The following MED12L variants were observed in gnomAD, a reference collection of about 807,000 sequenced individuals.
The protein encoded by MED12L is mediator complex subunit 12L, also known as mediator of RNA polymerase II transcription subunit 12-like protein.
Under a neutral mutation model 281.3 loss-of-function variants are expected in MED12L, and 60 were observed. The ratio of observed to expected loss-of-function variants is 0.21; its 90% CI spans 0.17 to 0.26. The LOEUF is 0.26. MED12L is among the 10% of genes least tolerant of loss of function. The pLI is 1.00. For missense variants in MED12L, 2,146 were observed against 2,680.9 expected (o/e 0.80, Z 4.41); for synonymous variants, 974 against 987.2 (o/e 0.99, Z 0.25).
At chr3:151,285,877 C>T (rs1178279253) in intron 16 of MED12L, among the ~76,000 whole-genome samples, 1 of 152,068 alleles carries the variant, frequency 6.6e-6, no homozygotes. Context: ...AGGAATAGGT[C>T]CTCACCTCAC....
rs1714570809 is a variant in MED12L at position 151,126,645 on chromosome 3, G to A, written c.397-1180G>A. 1.3e-5 allele frequency among the ~76,000 whole-genome samples: 2 copies of A among 152,192 alleles called. 1 individual carries two copies. Among genetic ancestry groups the A allele is most frequent in the South Asian group, 4.1e-4 (2 of 4,832 alleles). ...GAAGCCTTGATTTTCACAAAATCAA[G>A]TAAGAGTTTGGGACAGAGAGACCAG... On this transcript the variant is annotated intron_variant, in intron 4 of 44. Transcript: ENST00000687756.
At chr3:151,186,585 C>G (rs951383015) in intron 12 of MED12L, among the ~76,000 whole-genome samples, 1 of 152,214 alleles carries the variant, frequency 6.6e-6, no homozygotes, top group Non-Finnish European at 1.5e-5. Flanking sequence ...AGGTTGCAGA[C>G]TGTTCCCCAG....
chr3:151,295,273 G>A (rs1332025548), intron 16 of MED12L: 4 of 1,158,648 alleles, frequency 3.5e-6, no homozygotes, highest in African/African-American at 1.5e-5. Flanking sequence ...AGGCTACTAG[G>A]TTCCCTTACA....
rs573485687 is a variant in MED12L at position 151,128,493 on chromosome 3, C to A, written c.556+509C>A. On this transcript the variant is annotated intron_variant, in intron 5 of 44. Transcript: ENST00000687756. ...GATCTGCCCCCACCCCCGGCTCCCC[C>A]CCTTCCTGTGATGTTCCAGCCACAG... 3.3e-5 allele frequency among the ~76,000 whole-genome samples: 5 copies of A among 152,172 alleles called. No individual in the cohort carries two copies. In the South Asian group the frequency reaches 8.3e-4, roughly 25 times the overall value.
At chr3:151,096,288 T>C (rs964836429) in intron 2 of MED12L, among the ~76,000 whole-genome samples, 1 of 152,210 alleles carries the variant, frequency 6.6e-6, no homozygotes, top group Admixed American at 6.5e-5. Flanking sequence ...TTGGACCATA[T>C]GTCAATTTCT....
chr3:151,293,576 TACACACACACACACACACACACAC>T (rs55846173), intron 16 of MED12L, among the ~76,000 whole-genome samples: 2 of 76,200 alleles, frequency 2.6e-5, no homozygotes, highest in African/African-American at 1.2e-4. Context: ...ATGAAGCCCT[TACACACACACACACACACACACAC>T]ACACACACAC....
chr3:151,123,014 T>C (rs769527567), intron 4 of MED12L, 40 bp downstream of exon 4: 2 of 1,457,986 alleles, frequency 1.4e-6, no homozygotes, highest in East Asian at 2.3e-5. Flanking sequence ...TATGGTCTTA[T>C]AATCAGCTGT....
intron 2 of MED12L, among the ~76,000 whole-genome samples, chr3:151,113,025 G>T (rs575518624): frequency 1.4e-4 from 22 of 152,268 alleles, no homozygotes; most frequent in East Asian, 9.6e-4. Flanking sequence ...TCTTCTTGTC[G>T]AGGAGACAGC....
At chr3:151,355,280 TAATTTACTTAA>T in intron 18 of MED12L, 41 bp downstream of exon 18, 1 of 1,414,944 alleles carries the variant, frequency 7.1e-7, no homozygotes, top group Non-Finnish European at 9.8e-7. Context: ...TGCAGTATTC[TAATTTACTTAA>T]AAATTTTTTT....
chr3:151,373,317 A>G (rs1402767079), intron 27 of MED12L, among the ~76,000 whole-genome samples: 1 of 152,134 alleles, frequency 6.6e-6, no homozygotes, highest in Non-Finnish European at 1.5e-5. Context: ...TGTGATGTCC[A>G]TTTGCACCTC....
chr3:151,101,334 G>A (rs1178492738), intron 2 of MED12L, among the ~76,000 whole-genome samples: 1 of 152,194 alleles, frequency 6.6e-6, no homozygotes, highest in Non-Finnish European at 1.5e-5. Flanking sequence ...TGTTATGCCA[G>A]CCTCACGGTA....
At chr3:151,170,937 T>C (rs904464569) in intron 11 of MED12L, among the ~76,000 whole-genome samples, 2 of 152,138 alleles carry the variant, frequency 1.3e-5, no homozygotes, top group African/African-American at 4.8e-5. Flanking sequence ...TAGATTCTGC[T>C]TGGGATCCAC....
chr3:151,260,659 G>A (rs191959502), intron 16 of MED12L, among the ~76,000 whole-genome samples: 104 of 152,220 alleles, frequency 6.8e-4, no homozygotes, highest in African/African-American at 2.4e-3. Flanking sequence ...CCCTAAAGCT[G>A]GTTTTTAATG....
chr3:151,108,113 G>A (rs1576741039), intron 2 of MED12L, among the ~76,000 whole-genome samples: 1 of 152,248 alleles, frequency 6.6e-6, no homozygotes, highest in East Asian at 1.9e-4. Flanking sequence ...ATAGGAGAGT[G>A]CAGAATAGAA....
chr3:151,210,699 C>A (rs1477992805), intron 16 of MED12L, among the ~76,000 whole-genome samples: 1 of 152,204 alleles, frequency 6.6e-6, no homozygotes, highest in Non-Finnish European at 1.5e-5. Flanking sequence ...TAGCCATTAG[C>A]ATATTCTATC....
intron 19 of MED12L, 22 bp from the exon 20 acceptor site, chr3:151,357,191 T>G: frequency 6.4e-7 from 1 of 1,559,350 alleles, no homozygotes; most frequent in East Asian, 2.3e-5. Flanking sequence ...ACATGTTTAT[T>G]CAGTCTTTTC....
intron 31 of MED12L, 52 bp from the exon 32 acceptor site, chr3:151,380,061 A>C: frequency 2.8e-6 from 3 of 1,071,536 alleles, no homozygotes; most frequent in Non-Finnish European, 4.1e-6. Context: ...TGCCAGAGGA[A>C]GTAATGCATT....
At chr3:151,286,543 C>T (rs879621712) in intron 16 of MED12L, among the ~76,000 whole-genome samples, 2 of 152,176 alleles carry the variant, frequency 1.3e-5, no homozygotes, top group Non-Finnish European at 2.9e-5. Flanking sequence ...GCTAATCCAG[C>T]ATCCAGGGGT....
chr3:151,128,724 TCTC>T (rs1281956388), intron 5 of MED12L, among the ~76,000 whole-genome samples: 2 of 152,222 alleles, frequency 1.3e-5, no homozygotes, highest in African/African-American at 4.8e-5. Flanking sequence ...CTTTCTCTCT[TCTC>T]CCTCTACTTC....
Sources: gnomAD v4.1 joint callset for allele counts (sites outside exome capture counted in the v4.1 genomes callset) on GRCh38, gnomAD v4.1.1 for gene constraint, MANE v1.5 for transcripts, NCBI Gene and HGNC (gene_info 2026-07-23, HGNC 2026-07-21) for gene names.